Variants in ADGRV1 observed in about 807,000 individuals in gnomAD.
ADGRV1 encodes G-protein coupled receptor 98.
In ADGRV1, 359 loss-of-function variants were observed where a neutral mutation model predicts 596.2. That is an observed-to-expected ratio of 0.60 (90% confidence interval 0.55 to 0.66). The LOEUF is 0.66. Ranked by LOEUF, ADGRV1 falls within the 30% of genes least tolerant of loss-of-function variation. ADGRV1 has a pLI of 0.00. For synonymous variants in ADGRV1, 2,681 were observed against 2,679.2 expected, an observed-to-expected ratio of 1.00 and a Z score of -0.02; for missense variants, 7,274 against 7,575.6, an observed-to-expected ratio of 0.96 and a Z score of 1.48.
At chr5:90,675,953 T>A in intron 24 of ADGRV1, 127 bp from the exon 25 acceptor site, 1 of 646,758 alleles carries the variant, frequency 1.5e-6, no homozygotes, top group Non-Finnish European at 2.5e-6. Flanking sequence ...TTACTTGTCT[T>A]CTTAGCATTT....
chr5:90,708,359 A>G (rs1748881754), intron 38 of ADGRV1, among the ~76,000 whole-genome samples: 1 of 151,974 alleles, frequency 6.6e-6, no homozygotes, highest in African/African-American at 2.4e-5. Flanking sequence ...TAGAGATAGT[A>G]GAATTGGGAG....
intron 42 of ADGRV1, among the ~76,000 whole-genome samples, chr5:90,712,648 TGATACTACA>T (rs957436432): frequency 1.3e-5 from 2 of 152,170 alleles, no homozygotes; most frequent in Non-Finnish European, 2.9e-5. Context: ...CAAAGTAGGT[TGATACTACA>T]GATAATATTA....
Position 90,711,282 on chromosome 5 carries a change from T to C in ADGRV1, c.9002T>C (p.Leu3001Ser). 6.2e-7 allele frequency: 1 copy of C among 1,613,154 alleles called. No individual in the cohort carries two copies. Among genetic ancestry groups the C allele is most frequent in the Non-Finnish European group, 8.5e-7 (1 of 1,179,420 alleles). ...HVSLFVYAQN[L>S]EAQVGLDYIF... ...TCCTTATTTGTGTATGCTCAGAATT[T>C]GGAAGCACAAGTGGGGCTGGATTAT... The change falls in exon 41 of 90, where the codon TTG (leucine) becomes TCG (serine). Residue 3001 changes from leucine to serine, a missense_variant. Leu to Ser is a moderately radical substitution (Grantham distance 145). Around this residue, in one of 5 missense-constraint regions of ADGRV1, gnomAD observed 3,643 missense variants for 3,809.2 expected, o/e 0.96. Transcript: ENST00000405460.
intron 85 of ADGRV1, among the ~76,000 whole-genome samples, chr5:90,987,698 T>C (rs1780609909): frequency 6.6e-6 from 1 of 151,978 alleles, no homozygotes; most frequent in African/African-American, 2.4e-5. Flanking sequence ...GCATGCCATT[T>C]CTCTAGAGGT....
At chr5:90,903,968 G>A (rs1408363894) in intron 83 of ADGRV1, among the ~76,000 whole-genome samples, 1 of 151,892 alleles carries the variant, frequency 6.6e-6, no homozygotes, top group Non-Finnish European at 1.5e-5. Context: ...ATGTCCATGA[G>A]TTCAATTGTT....
At chr5:91,133,752 A>G (rs181157384) in intron 87 of ADGRV1, among the ~76,000 whole-genome samples, 59 of 152,294 alleles carry the variant, frequency 3.9e-4, no homozygotes, top group Admixed American at 2.0e-4. Context: ...GAATCCCACT[A>G]ACTTTGATTT....
At chr5:91,155,346 G>A (rs1282283981) in intron 89 of ADGRV1, among the ~76,000 whole-genome samples, 1 of 152,214 alleles carries the variant, frequency 6.6e-6, no homozygotes, top group East Asian at 1.9e-4. Context: ...TTAATGGTGT[G>A]TGGCCTGTTT....
chr5:90,909,546 C>G (rs1182497835), intron 83 of ADGRV1, among the ~76,000 whole-genome samples: 1 of 152,020 alleles, frequency 6.6e-6, no homozygotes, highest in Non-Finnish European at 1.5e-5. Flanking sequence ...GCTTCTTGTT[C>G]TGTCATAACA....
chr5:91,060,684 A>T (rs904462842), intron 85 of ADGRV1, among the ~76,000 whole-genome samples: 2 of 152,232 alleles, frequency 1.3e-5, no homozygotes, highest in African/African-American at 2.4e-5. Context: ...ATTTAGGATC[A>T]CCAGTTATTG....
intron 85 of ADGRV1, among the ~76,000 whole-genome samples, chr5:90,995,749 T>C (rs969152529): frequency 6.6e-6 from 1 of 152,180 alleles, no homozygotes; most frequent in Non-Finnish European, 1.5e-5. Flanking sequence ...GATAGTGATA[T>C]AGACAATGAA....
intron 77 of ADGRV1, among the ~76,000 whole-genome samples, chr5:90,837,827 T>C (rs193270002): frequency 9.6e-4 from 146 of 152,328 alleles, no homozygotes; most frequent in South Asian, 7.7e-3. Context: ...AATTTAACTT[T>C]ATCTGAATTT....
intron 83 of ADGRV1, among the ~76,000 whole-genome samples, chr5:90,919,359 G>T (rs1324033041): frequency 1.3e-5 from 2 of 152,190 alleles, no homozygotes; most frequent in Non-Finnish European, 2.9e-5. Context: ...ATTTAGATAG[G>T]ATTGGAGACT....
intron 5 of ADGRV1, among the ~76,000 whole-genome samples, 165 bp from the exon 6 acceptor site, chr5:90,624,965 G>A (rs551862872): frequency 6.6e-6 from 1 of 152,132 alleles, no homozygotes; most frequent in East Asian, 1.9e-4. Context: ...CTATAATTAC[G>A]TTATAGGACC....
chr5:90,722,494 T>G (rs1178496588), intron 45 of ADGRV1, among the ~76,000 whole-genome samples: 2 of 151,524 alleles, frequency 1.3e-5, no homozygotes, highest in African/African-American at 4.9e-5. Context: ...GCGGATCACC[T>G]GGGGTCGGGA....
intron 2 of ADGRV1, among the ~76,000 whole-genome samples, chr5:90,616,804 G>A (rs1763424475): frequency 6.6e-6 from 1 of 152,256 alleles, no homozygotes; most frequent in East Asian, 1.9e-4. Context: ...ATAAATTAAT[G>A]TTAACTATAA....
At chr5:90,598,718 C>T (rs1476332042) in intron 1 of ADGRV1, among the ~76,000 whole-genome samples, 1 of 152,120 alleles carries the variant, frequency 6.6e-6, no homozygotes, top group African/African-American at 2.4e-5. Context: ...TAGGGGAGCT[C>T]CAAGAGGTAA....
intron 61 of ADGRV1, among the ~76,000 whole-genome samples, chr5:90,776,877 C>T (rs942131367): frequency 6.6e-6 from 1 of 152,094 alleles, no homozygotes; most frequent in African/African-American, 2.4e-5. Flanking sequence ...TGTTCTGTTA[C>T]TAAACATGTG....
chr5:90,624,428 C>G (rs1335396065), intron 5 of ADGRV1, among the ~76,000 whole-genome samples: 1 of 152,050 alleles, frequency 6.6e-6, no homozygotes, highest in African/African-American at 2.4e-5. Context: ...GGTTTGTAGC[C>G]TGTTTTTTGT....
At chr5:90,962,895 A>G (rs1192775862) in intron 83 of ADGRV1, among the ~76,000 whole-genome samples, 2 of 152,236 alleles carry the variant, frequency 1.3e-5, no homozygotes, top group Admixed American at 1.3e-4. Context: ...GAAAGTAAAT[A>G]CAGTTTTAAA....
Sources: gnomAD v4.1 joint callset for allele counts (sites outside exome capture counted in the v4.1 genomes callset) on GRCh38, gnomAD v4.1.1 for gene constraint, gnomAD v4.1.1 regional missense constraint, MANE v1.5 for transcripts, NCBI Gene and HGNC (gene_info 2026-07-23, HGNC 2026-07-21) for gene names.